Variants in ZNF513 observed in about 807,000 individuals in gnomAD.
The protein encoded by ZNF513 is zinc finger protein 513.
Under a neutral mutation model 39.7 loss-of-function variants are expected in ZNF513, and 16 were observed. That is an observed-to-expected ratio of 0.40 (90% confidence interval 0.27 to 0.61). ZNF513 has a LOEUF of 0.61. Ranked by LOEUF, ZNF513 falls within the 20% of genes least tolerant of loss-of-function variation. ZNF513 has a pLI of 0.39. For missense variants in ZNF513, 699 were observed against 743.6 expected (o/e 0.94, Z 0.70); for synonymous variants, 348 against 296.5 (o/e 1.17, Z -1.79).
Position 27,380,730 on chromosome 2 carries a change from C to A in ZNF513, c.-204G>T. On this transcript the variant is annotated 5_prime_UTR_variant, in exon 1 of 4. Coordinates refer to ENST00000323703, the MANE Select transcript of ZNF513 (RefSeq NM_144631.6). The stretch of plus-strand genomic sequence containing the variant: ...CCGCCGCCGCTTCCATTCATGGAGC[C>A]CCCTACCCCCCTACGGAGACCAGCT... The A allele has an allele frequency of 1.1e-6, 1 of 883,358 alleles. No individual in the cohort carries two copies. Among genetic ancestry groups the A allele is most frequent in the Non-Finnish European group, 1.5e-6 (1 of 670,070 alleles). The allele number at this position is 883,358 out of a possible 1,614,324, so 54.7% of individuals were successfully genotyped here.
At position 27,378,555 on chromosome 2, in the gene ZNF513, C is replaced by T. The variant is rs762047764; in HGVS notation, c.711G>A (p.Pro237=). 1.5e-5 allele frequency: 25 copies of T among 1,613,860 alleles called. No individual in the cohort carries two copies. Among genetic ancestry groups the T allele is most frequent in the Middle Eastern group, 1.6e-4 (1 of 6,084 alleles). Residue 237 remains proline, a synonymous_variant, in exon 3 of 4, where the codon CCG becomes CCA. Coordinates refer to ENST00000323703, the MANE Select transcript of ZNF513 (RefSeq NM_144631.6). The surrounding 1 kb of genome is among the most constrained non-coding windows in gnomAD (Gnocchi z 8.0). ...THAGPPTPPC[P]TCGFRCCTPR... ...GAGTACAGCAGCGGAAGCCACAGGT[C>T]GGGCAGGGAGGAGTGGGGGGCCCTG...
At position 27,378,793 on chromosome 2, in the gene ZNF513, A is replaced by G. The variant is rs375866690; in HGVS notation, c.473T>C (p.Val158Ala). Reference sequence around the variant, plus strand: ...CTTCAGGTGGCTCGAGTAGTGGGACACGAAGGTGCAGAGGCGGCATGAGTA... The same window carrying G: ...CTTCAGGTGGCTCGAGTAGTGGGACGCGAAGGTGCAGAGGCGGCATGAGTA... Reference protein sequence around the residue: ...LLYSCRLCTFVSHYSSHLKRH... With the variant: ...LLYSCRLCTFASHYSSHLKRH... Residue 158 changes from valine to alanine, a missense_variant, in exon 3 of 4, where the codon GTG becomes GCG. Coordinates refer to ENST00000323703, the MANE Select transcript of ZNF513 (RefSeq NM_144631.6). The surrounding 1 kb of genome is among the most constrained non-coding windows in gnomAD (Gnocchi z 8.0). The G allele has an allele frequency of 5.6e-6, 9 of 1,613,726 alleles. No homozygotes were observed. The highest frequency in any genetic ancestry group is 7.6e-6 in the Non-Finnish European group (9 of 1,179,898).
At chr2:27,380,336 C>A in intron 1 of ZNF513, 88 bp from the exon 2 acceptor site, 1 of 1,609,448 alleles carries the variant, frequency 6.2e-7, no homozygotes, top group Non-Finnish European at 8.5e-7. Context: ...CACTCTGATT[C>A]CCTTAGTGCC....
At position 27,377,384 on chromosome 2, in the gene ZNF513, A is replaced by T; in HGVS notation, c.*161T>A. On this transcript the variant is annotated 3_prime_UTR_variant, in exon 4 of 4. Coordinates refer to ENST00000323703, the MANE Select transcript of ZNF513 (RefSeq NM_144631.6). This position sits in a 1 kb window ranked among gnomAD's most constrained non-coding sequence, Gnocchi z 4.4. ...TCTCACTGAGCTCGTGAAGTGCCTC[A>T]GTCAAGGCAAGGTCCCCTGGTCCAT... 1 of 781,880 alleles carries T rather than the reference A, an allele frequency of 1.3e-6. No individual in the cohort carries two copies. The highest frequency in any genetic ancestry group is 2.2e-6 in the Non-Finnish European group (1 of 457,734). The allele number at this position is 781,880 out of a possible 1,614,324, so 48.4% of individuals were successfully genotyped here. A position where few individuals can be genotyped will look rare whatever the true frequency, so the allele number is the denominator to read the frequency against.
At chr2:27,379,098 T>G in intron 2 of ZNF513, 44 bp from the exon 3 acceptor site, 1 of 1,591,446 alleles carries the variant, frequency 6.3e-7, no homozygotes, top group Non-Finnish European at 8.6e-7. Context: ...TAGGGTAGGA[T>G]CAGGCTCCAA....
In ZNF513 at chr2:27,377,595, G is replaced by C; in HGVS notation, c.1576C>G (p.Pro526Ala). The change falls in exon 4 of 4, where the codon CCA (proline) becomes GCA (alanine). Residue 526 changes from proline to alanine, a missense_variant. Transcript: ENST00000323703. This position sits in a 1 kb window ranked among gnomAD's most constrained non-coding sequence, Gnocchi z 4.4. Reference sequence around the variant, plus strand: ...CGGCTGCCAGCAGTCCCCAGGGCTGGTGGGCCCCGAGAGCTCAAAACAGAG... The same window carrying C: ...CGGCTGCCAGCAGTCCCCAGGGCTGCTGGGCCCCGAGAGCTCAAAACAGAG... ...PPSVLSSRGP[P>A]ALGTAGSRAV... 1 of 1,614,084 alleles carries C rather than the reference G, an allele frequency of 6.2e-7. No homozygotes were observed. The highest frequency in any genetic ancestry group is 8.5e-7 in the Non-Finnish European group (1 of 1,180,036).
chr2:27,378,219 C>T lies in ZNF513; in HGVS notation c.952G>A (p.Gly318Ser), dbSNP rs146147939. The T allele has an allele frequency of 1.3e-5, 21 of 1,605,996 alleles. No individual in the cohort carries two copies. The highest frequency in any genetic ancestry group is 1.6e-5 in the Non-Finnish European group (19 of 1,179,938). ...CCCTCCTCCAGCTCTTGTCCACAGC[C>T]CCGGCAGGTCCAAGGGAATAGCAGC... ...PELLFPWTCR[G>S]CGQELEEGEG... The change falls in exon 4 of 4, where the codon GGC (glycine) becomes AGC (serine). Residue 318 changes from glycine to serine, a missense_variant. Physicochemically the swap from Gly to Ser is moderately conservative, Grantham distance 56 (BLOSUM62 0). Coordinates refer to ENST00000323703, the MANE Select transcript of ZNF513 (RefSeq NM_144631.6). The surrounding 1 kb of genome is among the most constrained non-coding windows in gnomAD (Gnocchi z 8.0).
At position 27,377,655 on chromosome 2, in the gene ZNF513, CAGAG is replaced by C. The variant is rs748499954; in HGVS notation, c.1512_1515del (p.Ser505ProfsTer15). 2 of 1,614,142 alleles carry C rather than the reference CAGAG, an allele frequency of 1.2e-6. No individual in the cohort carries two copies. Among genetic ancestry groups the C allele is most frequent in the Non-Finnish European group, 1.7e-6 (2 of 1,180,032 alleles). ...TGAGGTGGGGCCCAGCCCTCAGAGGCAGAGAGACCAGGCCCTCCTGCCCCACCGT... is the reference window on the plus strand; with the variant it reads ...TGAGGTGGGGCCCAGCCCTCAGAGGCAGACCAGGCCCTCCTGCCCCACCGT... On this transcript the variant is annotated frameshift_variant, in exon 4 of 4. Transcript: ENST00000323703. LOFTEE classifies it high-confidence loss of function. This position sits in a 1 kb window ranked among gnomAD's most constrained non-coding sequence, Gnocchi z 4.4.
Position 27,377,414 on chromosome 2 carries a change from GC to G in ZNF513, c.*130del, listed in dbSNP as rs765209450. The G allele has an allele frequency of 1.7e-5, 17 of 1,010,898 alleles. No homozygotes were observed. The highest frequency in any genetic ancestry group is 3.2e-5 in the African/African-American group (2 of 63,164). 62.6% of individuals were successfully genotyped at this position (1,010,898 alleles called of 1,614,324 possible). ...AGGCAAGGTCCCCTGGTCCATATGG[GC>G]CCCCCCGCCCATGGGGTTGGGCTGG... On this transcript the variant is annotated 3_prime_UTR_variant, in exon 4 of 4. Transcript: ENST00000323703. The surrounding 1 kb of genome is among the most constrained non-coding windows in gnomAD (Gnocchi z 4.4).
Position 27,378,925 on chromosome 2 carries a change from T to G in ZNF513, c.341A>C (p.Glu114Ala). The part of the protein sequence containing the change: ...PARGPGEARG[E>A]RPGPACQLCG... ...CAGCTGGCAGGCTGGGCCTGGCCTCTCACCCCTGGCCTCCCCTGGACCCCT... is the reference window on the plus strand; with the variant it reads ...CAGCTGGCAGGCTGGGCCTGGCCTCGCACCCCTGGCCTCCCCTGGACCCCT... The change falls in exon 3 of 4, where the codon GAG (glutamate) becomes GCG (alanine). Residue 114 changes from glutamate (E) to alanine (A), a missense_variant. Coordinates refer to ENST00000323703, the MANE Select transcript of ZNF513 (RefSeq NM_144631.6). This position sits in a 1 kb window ranked among gnomAD's most constrained non-coding sequence, Gnocchi z 8.0. 1 of 1,608,324 alleles carries G rather than the reference T, an allele frequency of 6.2e-7. No individual in the cohort carries two copies. The highest frequency in any genetic ancestry group is 1.7e-5 in the Admixed American group (1 of 59,412).
At position 27,377,722 on chromosome 2, in the gene ZNF513, G is replaced by C; in HGVS notation, c.1449C>G (p.His483Gln). 1 of 1,614,270 alleles carries C rather than the reference G, an allele frequency of 6.2e-7. No individual in the cohort carries two copies. The highest frequency in any genetic ancestry group is 8.5e-7 in the Non-Finnish European group (1 of 1,180,044). Residue 483 changes from histidine to glutamine, a missense_variant, in exon 4 of 4, where the codon CAC becomes CAG. By Grantham distance (24) the His-to-Gln change is conservative (BLOSUM62 0). Around this residue, in one of 3 missense-constraint regions of ZNF513, gnomAD observed 98 missense variants for 180.2 expected, o/e 0.54. Transcript: ENST00000323703. The surrounding 1 kb of genome is among the most constrained non-coding windows in gnomAD (Gnocchi z 4.4). ...TCTGGTGGCGCTTGTAGTTGTCCCAGTGGCCCGTGGTATAGGCGCAGGTGG... is the reference window on the plus strand; with the variant it reads ...TCTGGTGGCGCTTGTAGTTGTCCCACTGGCCCGTGGTATAGGCGCAGGTGG... ...RCATCAYTTG[H>Q]WDNYKRHQKV...
Position 27,378,386 on chromosome 2 carries a change from A to C in ZNF513, c.800-15T>G. On this transcript the variant is annotated splice_polypyrimidine_tract_variant and intron_variant, in intron 3 of 3. Transcript: ENST00000323703. This position sits in a 1 kb window ranked among gnomAD's most constrained non-coding sequence, Gnocchi z 8.0. The stretch of plus-strand genomic sequence containing the variant: ...GAGCAGAGCATCTGTGGGGACAAAG[A>C]CCTGGGCTATGAATCCAATCCAAGC... 6.2e-7 allele frequency: 1 copy of C among 1,607,498 alleles called. No homozygotes were observed. The highest frequency in any genetic ancestry group is 8.5e-7 in the Non-Finnish European group (1 of 1,179,922).
At position 27,378,110 on chromosome 2, in the gene ZNF513, C is replaced by G; in HGVS notation, c.1061G>C (p.Gly354Ala). 6.2e-7 allele frequency: 1 copy of G among 1,613,598 alleles called. No homozygotes were observed. Among genetic ancestry groups the G allele is most frequent in the Non-Finnish European group, 8.5e-7 (1 of 1,179,734 alleles). Residue 354 changes from glycine to alanine, a missense_variant, in exon 4 of 4, where the codon GGC becomes GCC. This residue lies in a region of ZNF513 where 530 missense variants were observed against 499.3 expected (regional missense o/e 1.06). Transcript: ENST00000323703. This position sits in a 1 kb window ranked among gnomAD's most constrained non-coding sequence, Gnocchi z 8.0. ...AGGGASGGPQ[G>A]PSDKGFACSL... is the part of the protein sequence containing the mutation. ...ACAGGCAAAGCCTTTGTCACTGGGGCCCTGGGGCCCCCCACTGGCACCCCC... is the reference window on the plus strand; with the variant it reads ...ACAGGCAAAGCCTTTGTCACTGGGGGCCTGGGGCCCCCCACTGGCACCCCC...
Position 27,378,803 on chromosome 2 carries a change from A to G in ZNF513, c.463T>C (p.Cys155Arg). The G allele has an allele frequency of 1.2e-6, 2 of 1,613,704 alleles. No homozygotes were observed. Among genetic ancestry groups the G allele is most frequent in the Non-Finnish European group, 1.7e-6 (2 of 1,179,846 alleles). ...PPRLLYSCRL[C>R]TFVSHYSSHL... is the part of the protein sequence containing the mutation. ...CTCGAGTAGTGGGACACGAAGGTGC[A>G]GAGGCGGCATGAGTACAGTAGCCGT... Residue 155 changes from cysteine (C) to arginine (R), a missense_variant, in exon 3 of 4, where the codon TGC (cysteine) becomes CGC (arginine). Transcript: ENST00000323703. The surrounding 1 kb of genome is among the most constrained non-coding windows in gnomAD (Gnocchi z 8.0).
chr2:27,379,095 G>C, intron 2 of ZNF513, 41 bp from the exon 3 acceptor site: 4 of 1,594,080 alleles, frequency 2.5e-6, no homozygotes, highest in Non-Finnish European at 3.4e-6. Context: ...GCATAGGGTA[G>C]GATCAGGCTC....
rs576232627 is a variant in ZNF513 at position 27,379,058 on chromosome 2, G to C, written c.212-4C>G. The C allele has an allele frequency of 1.2e-6, 2 of 1,612,358 alleles. No homozygotes were observed. Among genetic ancestry groups the C allele is most frequent in the Non-Finnish European group, 1.7e-6 (2 of 1,179,708 alleles). On this transcript the variant is annotated splice_region_variant and splice_polypyrimidine_tract_variant and intron_variant, in intron 2 of 3. Transcript: ENST00000323703. ...GGCCTGGCCCCCAGAGAGTCTCCTG[G>C]TGAAATAGACATAAGAAGAGACATC...
Position 27,378,686 on chromosome 2 carries a change from T to G in ZNF513, c.580A>C (p.Thr194Pro), listed in dbSNP as rs1213186412. 1 of 1,613,834 alleles carries G rather than the reference T, an allele frequency of 6.2e-7. No homozygotes were observed. The highest frequency in any genetic ancestry group is 1.3e-5 in the African/African-American group (1 of 75,040). The part of the protein sequence containing the change: ...PYASAQLVNL[T>P]RHTRTHTGEK... Reference sequence around the variant, plus strand: ...CCAGTGTGGGTGCGGGTATGTCGTGTCAGGTTGACGAGCTGGGCTGAGGCG... The same window carrying G: ...CCAGTGTGGGTGCGGGTATGTCGTGGCAGGTTGACGAGCTGGGCTGAGGCG... Residue 194 changes from threonine (T) to proline (P), a missense_variant, in exon 3 of 4, where the codon ACA becomes CCA. Transcript: ENST00000323703. This position sits in a 1 kb window ranked among gnomAD's most constrained non-coding sequence, Gnocchi z 8.0.
intron 1 of ZNF513, 49 bp downstream of exon 1, chr2:27,380,423 C>A: frequency 6.3e-7 from 1 of 1,576,468 alleles, no homozygotes. Context: ...GAGCCCACTC[C>A]ACTGACCCCA....
chr2:27,380,313 G>A (rs1047413219), intron 1 of ZNF513, 65 bp from the exon 2 acceptor site: 58 of 1,612,844 alleles, frequency 3.6e-5, no homozygotes, highest in Non-Finnish European at 4.4e-5. Flanking sequence ...CACACTTCCC[G>A]TACTCGCTGA....
Sources: allele counts gnomAD v4.1 joint callset, GRCh38; gene constraint gnomAD v4.1.1; regional missense constraint gnomAD v4.1.1; non-coding constraint Gnocchi (gnomAD v3.1); transcripts MANE v1.5; gene names NCBI Gene and HGNC (gene_info 2026-07-23, HGNC 2026-07-21).